The following DYNC2H1 variants were observed in gnomAD, a reference collection of about 807,000 sequenced individuals.
DYNC2H1 encodes the protein dynein cytoplasmic 2 heavy chain 1, also known as cytoplasmic dynein 2 heavy chain 1.
A neutral mutation model predicts 570.0 loss-of-function variants in DYNC2H1; 410 were observed. The ratio of observed to expected loss-of-function variants is 0.72; its 90% CI spans 0.66 to 0.78. The LOEUF is 0.78. Among genes scored for constraint, DYNC2H1 ranks in the 30% least tolerant of loss-of-function variants. DYNC2H1 has a pLI of 0.00. For missense variants in DYNC2H1, 4,865 were observed against 5,046.4 expected, an observed-to-expected ratio of 0.96 and a Z score of 1.09; for synonymous variants, 1,688 against 1,677.6, an observed-to-expected ratio of 1.01 and a Z score of -0.15.
chr11:103,419,794 T>A (rs1943417270), intron 84 of DYNC2H1, among the ~76,000 whole-genome samples: 1 of 152,026 alleles, frequency 6.6e-6, no homozygotes, highest in South Asian at 2.1e-4. Flanking sequence ...GATGGCGGAA[T>A]TGACAGAAGT....
At chr11:103,123,044 TA>T (rs770577200) in intron 11 of DYNC2H1, 44 bp downstream of exon 11, 1 of 1,263,262 alleles carries the variant, frequency 7.9e-7, no homozygotes, top group Non-Finnish European at 1.0e-6. Flanking sequence ...AACCATATGT[TA>T]TTAATCCAAA....
At position 103,277,886 on chromosome 11, in the gene DYNC2H1, A is replaced by G. The variant is rs1009491907; in HGVS notation, c.10696-2462A>G. On this transcript the variant is annotated intron_variant, in intron 70 of 88. Transcript: ENST00000375735. The surrounding 1 kb of genome is among the most constrained non-coding windows in gnomAD (Gnocchi z 4.3). Reference sequence around the variant, plus strand: ...GGTATATTTGTTGCTTCTTGTGAGCATGGGCACTTTTTTCTGGTTCATATT... The same window carrying G: ...GGTATATTTGTTGCTTCTTGTGAGCGTGGGCACTTTTTTCTGGTTCATATT... Among the ~76,000 whole-genome samples the G allele has an allele frequency of 2.6e-5, 4 of 152,168 alleles. No homozygotes were observed. The highest frequency in any genetic ancestry group is 7.2e-5 in the African/African-American group (3 of 41,450).
rs1945425390 is a variant in DYNC2H1, at chr11:103,472,659, A to G, written c.12765+3954A>G. Among the ~76,000 whole-genome samples the G allele has an allele frequency of 6.6e-6, 1 of 152,216 alleles. No individual in the cohort carries two copies. The highest frequency in any genetic ancestry group is 2.1e-4 in the South Asian group (1 of 4,836). On this transcript the variant is annotated intron_variant, in intron 88 of 88. Coordinates refer to ENST00000375735, the MANE Select transcript of DYNC2H1 (RefSeq NM_001377.3). This position sits in a 1 kb window ranked among gnomAD's most constrained non-coding sequence, Gnocchi z 4.1. ...GTGAACATTTATTTGCACTGATTAC[A>G]TACCAAGCACTATGCAAGGTGTTTC...
intron 55 of DYNC2H1, among the ~76,000 whole-genome samples, chr11:103,216,789 CAAA>C (rs5794214): frequency 7.1e-4 from 105 of 147,962 alleles, no homozygotes; most frequent in Non-Finnish European, 7.5e-4. Context: ...GCAAGACTCT[CAAA>C]AAAAAAAAAT....
At chr11:103,400,310 GGCA>G (rs10536008) in intron 84 of DYNC2H1, among the ~76,000 whole-genome samples, 77,294 of 151,582 alleles carry the variant, frequency 0.51, 19,975 homozygotes, top group African/African-American at 0.62. Flanking sequence ...TAGTTCAGTG[GGCA>G]GTGTGTGCAA....
chr11:103,371,927 GTTTTTTTTTTTTT>G (rs60335910), intron 83 of DYNC2H1, among the ~76,000 whole-genome samples: 4 of 67,880 alleles, frequency 5.9e-5, no homozygotes, highest in African/African-American at 2.0e-4. Context: ...TCCCATTTGG[GTTTTTTTTTTTTT>G]TTTTTTTTTT....
chr11:103,298,349 C>A (rs1480214717), intron 75 of DYNC2H1, among the ~76,000 whole-genome samples: 3 of 151,844 alleles, frequency 2.0e-5, no homozygotes, highest in Non-Finnish European at 4.4e-5. Context: ...TTTTTCCTAC[C>A]CATTTAGTCT....
chr11:103,304,219 A>T (rs1867174751), intron 76 of DYNC2H1, among the ~76,000 whole-genome samples: 1 of 152,084 alleles, frequency 6.6e-6, no homozygotes, highest in Non-Finnish European at 1.5e-5. Flanking sequence ...AATGAAAGAT[A>T]GCAAAATAGC....
At position 103,356,924 on chromosome 11, in the gene DYNC2H1, C is replaced by T. The variant is rs146846894; in HGVS notation, c.12040-1319C>T. The stretch of plus-strand genomic sequence containing the variant: ...AAAAGGAAAAACAAATCACATTTCT[C>T]CCAAAGTAAAAACAGAAGTAGTCAA... On this transcript the variant is annotated intron_variant, in intron 82 of 88. Transcript: ENST00000375735. Among the ~76,000 whole-genome samples the T allele has an allele frequency of 3.8e-3, 581 of 152,142 alleles. 5 individuals carry two copies. The highest frequency in any genetic ancestry group is 0.013 in the African/African-American group (557 of 41,522).
intron 83 of DYNC2H1, among the ~76,000 whole-genome samples, chr11:103,362,320 C>CTTTTT (rs879453459): frequency 1.4e-5 from 1 of 71,602 alleles, no homozygotes; most frequent in Non-Finnish European, 3.1e-5. Context: ...TAATTTTTTT[C>CTTTTT]TTTTTTTTTT....
At chr11:103,226,786 G>A (rs980416171) in intron 59 of DYNC2H1, among the ~76,000 whole-genome samples, 1 of 152,090 alleles carries the variant, frequency 6.6e-6, no homozygotes, top group Admixed American at 6.6e-5. Flanking sequence ...AATAGGATTG[G>A]TACCAATTCT....
chr11:103,237,860 G>C (rs924767460), intron 63 of DYNC2H1, among the ~76,000 whole-genome samples: 6 of 152,010 alleles, frequency 3.9e-5, no homozygotes, highest in Admixed American at 3.9e-4. Context: ...AAAATGCTTA[G>C]TTTTGTATTC....
At chr11:103,266,056 C>T (rs964585444) in intron 70 of DYNC2H1, among the ~76,000 whole-genome samples, 2 of 103,138 alleles carry the variant, frequency 1.9e-5, no homozygotes, top group African/African-American at 3.8e-5. Flanking sequence ...TGGGAATCCA[C>T]ATGTAGGGCA....
chr11:103,309,368 C>CT (rs1368990017), intron 78 of DYNC2H1, among the ~76,000 whole-genome samples: 62 of 134,126 alleles, frequency 4.6e-4, no homozygotes, highest in South Asian at 9.4e-4. Flanking sequence ...TTTTTTTTTT[C>CT]TTTTTTTTGA....
intron 70 of DYNC2H1, among the ~76,000 whole-genome samples, chr11:103,267,823 T>C (rs576481220): frequency 6.6e-6 from 1 of 152,078 alleles, no homozygotes; most frequent in South Asian, 2.1e-4. Context: ...TATATAGATA[T>C]AATTTTTAAA....
rs988265730 is a variant in DYNC2H1, at chr11:103,289,783, C to T, written c.11095+2178C>T. ...CTCAAAGAAAAAAAGAAAAATGATT[C>T]TCTTTGTTGGATATAACCCATATAT... On this transcript the variant is annotated intron_variant, in intron 75 of 88. Transcript: ENST00000375735. The surrounding 1 kb of genome is among the most constrained non-coding windows in gnomAD (Gnocchi z 4.2). Among the ~76,000 whole-genome samples, 21 of 152,130 alleles carry T rather than the reference C, an allele frequency of 1.4e-4. No homozygotes were observed. The highest frequency in any genetic ancestry group is 5.1e-4 in the African/African-American group (21 of 41,524).
intron 54 of DYNC2H1, among the ~76,000 whole-genome samples, chr11:103,212,206 T>C (rs1481718017): frequency 6.6e-6 from 1 of 152,092 alleles, no homozygotes; most frequent in Non-Finnish European, 1.5e-5. Flanking sequence ...GTACTCTCTT[T>C]AAGAGTCTCT....
chr11:103,279,172 T>TG (rs1423451257), intron 70 of DYNC2H1, among the ~76,000 whole-genome samples: 1 of 152,220 alleles, frequency 6.6e-6, no homozygotes, highest in African/African-American at 2.4e-5. Context: ...CCATACTATA[T>TG]GTCTGACACA....
At chr11:103,194,016 A>G (rs1862418731) in intron 47 of DYNC2H1, among the ~76,000 whole-genome samples, 1 of 152,234 alleles carries the variant, frequency 6.6e-6, no homozygotes, top group Non-Finnish European at 1.5e-5. Context: ...AGAAACAGAT[A>G]TAAAAATCTT....
Sources: allele counts gnomAD v4.1 joint callset (sites outside exome capture counted in the v4.1 genomes callset), GRCh38; gene constraint gnomAD v4.1.1; non-coding constraint Gnocchi (gnomAD v3.1); transcripts MANE v1.5; gene names NCBI Gene and HGNC (gene_info 2026-07-23, HGNC 2026-07-21).